The following MYO9B variants were observed in gnomAD, a reference collection of about 807,000 sequenced individuals.
MYO9B encodes myosin IXB.
Under a neutral mutation model 229.5 loss-of-function variants are expected in MYO9B, and 71 were observed. The observed-to-expected ratio is 0.31, with a 90% CI of 0.26 to 0.38. The LOEUF (loss-of-function observed/expected upper bound fraction) is 0.38. MYO9B is among the 10% of genes least tolerant of loss of function. The pLI is 1.00. For synonymous variants in MYO9B, 1,185 were observed against 1,235.8 expected, an observed-to-expected ratio of 0.96 and a Z score of 0.86; for missense variants, 2,255 against 2,920.5, an observed-to-expected ratio of 0.77 and a Z score of 5.25.
chr19:17,097,006 A>G (rs114383143), intron 1 of MYO9B, among the ~76,000 whole-genome samples: 3,811 of 151,452 alleles, frequency 0.025, 61 homozygotes, highest in East Asian at 0.052. Context: ...TGCTGTTTTT[A>G]AGAAATAGAG....
Position 17,202,132 on chromosome 19 carries a change from C to G in MYO9B, c.4665C>G (p.Asn1555Lys). 1 of 1,613,610 alleles carries G rather than the reference C, an allele frequency of 6.2e-7. No homozygotes were observed. Among genetic ancestry groups the G allele is most frequent in the South Asian group, 1.1e-5 (1 of 91,042 alleles). The change falls in exon 28 of 40, where the codon AAC becomes AAG. Residue 1555 changes from asparagine (N) to lysine (K), a missense_variant and splice_region_variant. Around this residue, in one of 7 missense-constraint regions of MYO9B, gnomAD observed 416 missense variants for 605.5 expected, o/e 0.69. Transcript: ENST00000682292. ...SNIKTMYSVP[N>K]GKIHVGYKDL... is the part of the protein sequence containing the mutation. ...GGTGACGCCTAGCATTCCTACAGAA[C>G]GGGAAGATCCACGTGGGCTACAAGG... is the stretch of plus-strand genomic sequence containing the variant.
At chr19:17,124,724 C>T (rs1188321136) in intron 2 of MYO9B, among the ~76,000 whole-genome samples, 1 of 144,432 alleles carries the variant, frequency 6.9e-6, no homozygotes, top group Non-Finnish European at 1.5e-5. Flanking sequence ...CGCGCCACTG[C>T]ACTCCAGCCT....
intron 17 of MYO9B, 70 bp downstream of exon 17, chr19:17,185,057 C>T: frequency 6.2e-7 from 1 of 1,602,880 alleles, no homozygotes; most frequent in Non-Finnish European, 8.5e-7. Flanking sequence ...TCACCCGACA[C>T]CGAGCACAGC....
At chr19:17,169,800 TCC>T (rs1440937848) in intron 11 of MYO9B, among the ~76,000 whole-genome samples, 10 of 114,264 alleles carry the variant, frequency 8.8e-5, no homozygotes, top group African/African-American at 1.9e-4. Context: ...TCCTGTCTCC[TCC>T]TTTTTTTTTT....
chr19:17,076,106 G>GA (rs561808950), intron 1 of MYO9B, among the ~76,000 whole-genome samples: 154 of 151,778 alleles, frequency 1.0e-3, no homozygotes, highest in African/African-American at 3.7e-3. Context: ...GGCGTGGGGG[G>GA]GGTGAGTCTT....
intron 3 of MYO9B, among the ~76,000 whole-genome samples, chr19:17,151,852 C>T (rs191680439): frequency 2.0e-4 from 30 of 152,306 alleles, no homozygotes; most frequent in East Asian, 1.7e-3. Context: ...GAGCCATTAT[C>T]GTGCTACTGC....
chr19:17,210,094 G>A (rs904231415), intron 36 of MYO9B, among the ~76,000 whole-genome samples: 1 of 152,172 alleles, frequency 6.6e-6, no homozygotes, highest in Non-Finnish European at 1.5e-5. Context: ...CTGCTTGCTG[G>A]TGGTTCAGGT....
intron 24 of MYO9B, among the ~76,000 whole-genome samples, chr19:17,199,505 TTTTG>T (rs2073082478): frequency 6.6e-6 from 1 of 151,264 alleles, no homozygotes; most frequent in African/African-American, 2.5e-5. Context: ...TGTGTTGTTT[TTTTG>T]TTTGTTTTTT....
In MYO9B at chr19:17,184,903, C is replaced by T. The variant is rs1266074470; in HGVS notation, c.2412C>T (p.Ser804=). 6.2e-7 allele frequency: 1 copy of T among 1,613,808 alleles called. No individual in the cohort carries two copies. Among genetic ancestry groups the T allele is most frequent in the East Asian group, 2.2e-5 (1 of 44,874 alleles). ...CCAAGTCCCTGAAACTCATCATCAG[C>T]ATGACTCTGCACGACCGCACCACCA... ...LDSKSLKLII[S]MTLHDRTTKS... is the part of the protein sequence containing the mutation. Residue 804 remains serine (S), a synonymous_variant, in exon 17 of 40, where the codon AGC becomes AGT. Transcript: ENST00000682292.
In MYO9B at chr19:17,187,970, G is replaced by A; in HGVS notation, c.2613G>A (p.Gln871=). The change falls in exon 19 of 40, where the codon CAG becomes CAA. Residue 871 remains glutamine (Q), a synonymous_variant. Transcript: ENST00000682292. ...GCTTTGACGACGAGCTGGTCCTGCAGCAGCTGCGCTACACCGGCATGCTGG... is the reference window on the plus strand; with the variant it reads ...GCTTTGACGACGAGCTGGTCCTGCAACAGCTGCGCTACACCGGCATGCTGG... ...ELCFDDELVL[Q]QLRYTGMLET... 6.3e-7 allele frequency: 1 copy of A among 1,598,936 alleles called. No homozygotes were observed. The highest frequency in any genetic ancestry group is 8.5e-7 in the Non-Finnish European group (1 of 1,172,948).
intron 2 of MYO9B, among the ~76,000 whole-genome samples, chr19:17,139,092 G>A (rs1296759939): frequency 6.6e-6 from 1 of 152,164 alleles, no homozygotes; most frequent in African/African-American, 2.4e-5. Context: ...CAGGAGGATA[G>A]CCTGAACCTG....
chr19:17,088,461 C>T lies in MYO9B; in HGVS notation c.-59+12587C>T, dbSNP rs562557585. Among the ~76,000 whole-genome samples the T allele has an allele frequency of 9.2e-5, 14 of 152,272 alleles. No individual in the cohort carries two copies. In the South Asian group the frequency reaches 1.4e-3, roughly 16 times the overall value. On this transcript the variant is annotated intron_variant, in intron 1 of 39. Coordinates refer to ENST00000682292, the MANE Select transcript of MYO9B (RefSeq NM_004145.4). ...GAAATGCCTCTCTTTGTAATTTTGCCCTGCGGACGCTGTTTCTTGGCCCTG... is the reference window on the plus strand; with the variant it reads ...GAAATGCCTCTCTTTGTAATTTTGCTCTGCGGACGCTGTTTCTTGGCCCTG...
At chr19:17,100,955 G>A (rs1272399946) in intron 1 of MYO9B, among the ~76,000 whole-genome samples, 1 of 151,174 alleles carries the variant, frequency 6.6e-6, no homozygotes, top group Non-Finnish European at 1.5e-5. Flanking sequence ...GGCCTGTGGG[G>A]CCGAGTCGTC....
Position 17,212,331 on chromosome 19 carries a change from T to C in MYO9B, c.*21T>C. On this transcript the variant is annotated 3_prime_UTR_variant, in exon 40 of 40. Coordinates refer to ENST00000682292, the MANE Select transcript of MYO9B (RefSeq NM_004145.4). This position sits in a 1 kb window ranked among gnomAD's most constrained non-coding sequence, Gnocchi z 5.4. ...GCTGAGAGCCACAGCTGACAAAGTCTGCATGTCCGAGGACGGCCCCTGCAC... is the reference window on the plus strand; with the variant it reads ...GCTGAGAGCCACAGCTGACAAAGTCCGCATGTCCGAGGACGGCCCCTGCAC... 6.9e-7 allele frequency: 1 copy of C among 1,459,718 alleles called. No individual in the cohort carries two copies. The highest frequency in any genetic ancestry group is 9.0e-7 in the Non-Finnish European group (1 of 1,113,184). The allele number at this position is 1,459,718 out of a possible 1,614,324, so 90.4% of individuals were successfully genotyped here.
At chr19:17,122,089 G>A (rs1306730630) in intron 2 of MYO9B, among the ~76,000 whole-genome samples, 1 of 152,122 alleles carries the variant, frequency 6.6e-6, no homozygotes, top group Non-Finnish European at 1.5e-5. Flanking sequence ...CTTTCCAAAT[G>A]AGCTGAACAC....
At chr19:17,133,881 C>T (rs1223588607) in intron 2 of MYO9B, among the ~76,000 whole-genome samples, 1 of 152,206 alleles carries the variant, frequency 6.6e-6, no homozygotes, top group African/African-American at 2.4e-5. Context: ...CTGCCTCAGC[C>T]TCCCGAGTAG....
At chr19:17,108,406 T>C (rs576340563) in intron 2 of MYO9B, among the ~76,000 whole-genome samples, 3 of 152,156 alleles carry the variant, frequency 2.0e-5, no homozygotes, top group Non-Finnish European at 4.4e-5. Flanking sequence ...GGCCGGATCG[T>C]TCTCTGGGGA....
intron 1 of MYO9B, among the ~76,000 whole-genome samples, chr19:17,087,686 T>G (rs1448121303): frequency 6.6e-6 from 1 of 151,584 alleles, no homozygotes; most frequent in Non-Finnish European, 1.5e-5. Flanking sequence ...TCACAATACT[T>G]TGGGAGGCCG....
In MYO9B at chr19:17,111,925, C is replaced by G. The variant is rs1320849716; in HGVS notation, c.840+9368C>G. ...GGCTTCTCTCACTTGGTATCATGTT[C>G]TTGAGATTCATACACGTCGTAGCAT... On this transcript the variant is annotated intron_variant, in intron 2 of 39. Coordinates refer to ENST00000682292, the MANE Select transcript of MYO9B (RefSeq NM_004145.4). Among the ~76,000 whole-genome samples the G allele has an allele frequency of 2.6e-5, 4 of 152,188 alleles. No individual in the cohort carries two copies. In the South Asian group the frequency reaches 6.2e-4, roughly 24 times the overall value.
Sources: allele counts gnomAD v4.1 joint callset (sites outside exome capture counted in the v4.1 genomes callset), GRCh38; gene constraint gnomAD v4.1.1; regional missense constraint gnomAD v4.1.1; non-coding constraint Gnocchi (gnomAD v3.1); transcripts MANE v1.5; gene names NCBI Gene and HGNC (gene_info 2026-07-23, HGNC 2026-07-21).